Variants in SGCZ observed in about 807,000 individuals in gnomAD.
SGCZ encodes the protein zeta-sarcoglycan.
SGCZ carries 40 observed loss-of-function variants against 41.3 expected under a neutral mutation model. That is an observed-to-expected ratio of 0.97 (90% CI 0.75 to 1.26). The LOEUF is 1.26. SGCZ is among the 50% of genes most tolerant of loss of function. The probability of loss-of-function intolerance (pLI) is 0.00; values close to 1 mark genes in which losing one functional copy is unlikely to be tolerated. For missense variants in SGCZ, 552 were observed against 369.8 expected, an observed-to-expected ratio of 1.49 and a Z score of -4.04; for synonymous variants, 206 against 137.5, an observed-to-expected ratio of 1.50 and a Z score of -3.49.
chr8:14,436,408 T>G (rs898199346), intron 2 of SGCZ, among the ~76,000 whole-genome samples: 1 of 152,218 alleles, frequency 6.6e-6, no homozygotes, highest in Non-Finnish European at 1.5e-5. Context: ...TCTCCAAAAT[T>G]AATAACAATA....
chr8:14,595,189 G>A (rs1805368707), intron 1 of SGCZ, among the ~76,000 whole-genome samples: 1 of 152,054 alleles, frequency 6.6e-6, no homozygotes, highest in Admixed American at 6.6e-5. Context: ...TTCTCCTGGA[G>A]AACCACTGTC....
intron 1 of SGCZ, among the ~76,000 whole-genome samples, chr8:14,589,312 C>G (rs1422447688): frequency 6.8e-6 from 1 of 147,720 alleles, no homozygotes; most frequent in East Asian, 2.0e-4. Flanking sequence ...CACCACTGCA[C>G]TCCAGCCTGG....
intron 1 of SGCZ, among the ~76,000 whole-genome samples, chr8:15,183,060 CA>C (rs1800225088): frequency 6.6e-6 from 1 of 152,190 alleles, no homozygotes; most frequent in Admixed American, 6.5e-5. Context: ...GGAAACCCTT[CA>C]GGGGCAGTAA....
At position 14,190,849 on chromosome 8, in the gene SGCZ, G is replaced by A. The variant is rs189385448; in HGVS notation, c.425-26147C>T. 2.3e-3 allele frequency among the ~76,000 whole-genome samples: 355 copies of A among 152,010 alleles called. 3 individuals are homozygous for A. The highest frequency in any genetic ancestry group is 0.021 in the Admixed American group (318 of 15,272). The stretch of plus-strand genomic sequence containing the variant: ...AATCTCCTGACCTTGTGATCCACCC[G>A]CCTCGGACTCCCAAAGTGCTGGGAT... On this transcript the variant is annotated intron_variant, in intron 4 of 7. Transcript: ENST00000382080.
At chr8:15,133,105 T>A (rs1807973076) in intron 1 of SGCZ, among the ~76,000 whole-genome samples, 1 of 152,094 alleles carries the variant, frequency 6.6e-6, no homozygotes, top group African/African-American at 2.4e-5. Flanking sequence ...ATCATACCAC[T>A]GCACTCCAGC....
In SGCZ at chr8:14,323,702, G is replaced by T. The variant is rs571855229; in HGVS notation, c.336+401C>A. Reference sequence around the variant, plus strand: ...TTCTTTGTCATTTCTTTTAGAAAATGCATGTCTATTAATGCTGATCAGATA... The same window carrying T: ...TTCTTTGTCATTTCTTTTAGAAAATTCATGTCTATTAATGCTGATCAGATA... On this transcript the variant is annotated intron_variant, in intron 3 of 7. Transcript: ENST00000382080. 3.9e-5 allele frequency among the ~76,000 whole-genome samples: 6 copies of T among 152,192 alleles called. No individual in the cohort carries two copies. The South Asian group carries it at 1.2e-3, about 32-fold the overall frequency.
intron 2 of SGCZ, among the ~76,000 whole-genome samples, chr8:14,365,130 G>C (rs1161329534): frequency 6.6e-6 from 1 of 151,904 alleles, no homozygotes; most frequent in Non-Finnish European, 1.5e-5. Context: ...TGTTATTACA[G>C]TGATATATGC....
At chr8:14,755,234 A>T (rs184732325) in intron 1 of SGCZ, among the ~76,000 whole-genome samples, 2,445 of 151,248 alleles carry the variant, frequency 0.016, 75 homozygotes, top group Admixed American at 0.083. Context: ...TGATTTTTTT[A>T]AAAAAAAACA....
intron 1 of SGCZ, among the ~76,000 whole-genome samples, chr8:15,087,429 G>A (rs1805989582): frequency 6.6e-6 from 1 of 152,098 alleles, no homozygotes. Context: ...AAATATGGCA[G>A]ACTAACAACA....
intron 1 of SGCZ, among the ~76,000 whole-genome samples, chr8:15,104,356 T>G (rs537550967): frequency 2.0e-5 from 3 of 152,144 alleles, no homozygotes; most frequent in Non-Finnish European, 2.9e-5. Flanking sequence ...CTACAAGGAT[T>G]TGTAAAGTCA....
At chr8:14,981,222 C>A (rs376263634) in intron 1 of SGCZ, among the ~76,000 whole-genome samples, 14 of 152,238 alleles carry the variant, frequency 9.2e-5, no homozygotes, top group African/African-American at 3.4e-4. Context: ...CCCATCTCTT[C>A]TAACAAATCT....
intron 4 of SGCZ, among the ~76,000 whole-genome samples, chr8:14,166,916 A>C (rs10102785): frequency 6.6e-6 from 1 of 151,944 alleles, no homozygotes; most frequent in Non-Finnish European, 1.5e-5. Flanking sequence ...CATCTAAGCC[A>C]TAAATAAATG....
intron 2 of SGCZ, among the ~76,000 whole-genome samples, chr8:14,480,884 T>C (rs1801516930): frequency 6.6e-6 from 1 of 152,074 alleles, no homozygotes; most frequent in African/African-American, 2.4e-5. Flanking sequence ...CCTGCACTTG[T>C]ACTCCTGAAC....
At chr8:15,035,349 C>G (rs1803835979) in intron 1 of SGCZ, among the ~76,000 whole-genome samples, 2 of 151,966 alleles carry the variant, frequency 1.3e-5, no homozygotes, top group South Asian at 4.1e-4. Context: ...ACAGTTGATG[C>G]ACAAAATATA....
intron 2 of SGCZ, among the ~76,000 whole-genome samples, chr8:14,367,042 T>C (rs1008104858): frequency 3.3e-5 from 5 of 152,084 alleles, no homozygotes; most frequent in African/African-American, 4.8e-5. Context: ...AGGCTGCATA[T>C]TTTCCAAACT....
At chr8:14,283,389 C>A (rs1800516396) in intron 3 of SGCZ, among the ~76,000 whole-genome samples, 1 of 152,132 alleles carries the variant, frequency 6.6e-6, no homozygotes, top group Non-Finnish European at 1.5e-5. Flanking sequence ...TAAGAGAATG[C>A]AAGAGATGAG....
chr8:15,229,556 A>G (rs73524833), intron 1 of SGCZ, among the ~76,000 whole-genome samples: 9 of 152,268 alleles, frequency 5.9e-5, no homozygotes, highest in African/African-American at 2.2e-4. Flanking sequence ...AGTAGTAAGA[A>G]GAGATAGAAT....
rs575070663 is a variant in SGCZ at position 14,625,516 on chromosome 8, C to T, written c.40-70590G>A. ...AGACTATATGGAAGGGAAAATACAG[C>T]TGAGATTTCATACCTAGAGGACATT... On this transcript the variant is annotated intron_variant, in intron 1 of 7. Coordinates refer to ENST00000382080, the MANE Select transcript of SGCZ (RefSeq NM_139167.4). 2.0e-5 allele frequency among the ~76,000 whole-genome samples: 3 copies of T among 152,260 alleles called. No individual in the cohort carries two copies. In the South Asian group the frequency reaches 6.2e-4, roughly 32 times the overall value.
At chr8:14,885,210 G>C (rs984469917) in intron 1 of SGCZ, among the ~76,000 whole-genome samples, 8 of 151,968 alleles carry the variant, frequency 5.3e-5, no homozygotes, top group Non-Finnish European at 4.4e-5. Context: ...TTTTAAATTG[G>C]TCCAGTCATC....
Sources: gnomAD v4.1 joint callset for allele counts (sites outside exome capture counted in the v4.1 genomes callset) on GRCh38, gnomAD v4.1.1 for gene constraint, MANE v1.5 for transcripts, NCBI Gene and HGNC (gene_info 2026-07-23, HGNC 2026-07-21) for gene names.